The following USP6NL variants were observed in gnomAD, a reference collection of about 807,000 sequenced individuals.
USP6NL encodes USP6 N-terminal-like protein.
In USP6NL, 26 loss-of-function variants were observed where a neutral mutation model predicts 61.9. That is an observed-to-expected ratio of 0.42 (90% CI 0.31 to 0.58). The LOEUF is 0.58. Among genes scored for constraint, USP6NL ranks in the 20% least tolerant of loss-of-function variants. The pLI, the probability that USP6NL is intolerant of heterozygous loss-of-function variation, is 0.16. For synonymous variants in USP6NL, 432 were observed against 390.1 expected (o/e 1.11, Z -1.27); for missense variants, 1,114 against 1,034.3 (o/e 1.08, Z -1.06).
chr10:11,580,996 T>C (rs1196657056), intron 2 of USP6NL, among the ~76,000 whole-genome samples: 1 of 152,144 alleles, frequency 6.6e-6, no homozygotes, highest in East Asian at 1.9e-4. Flanking sequence ...TAAAGCAAAA[T>C]TATACTATTA....
intron 2 of USP6NL, among the ~76,000 whole-genome samples, chr10:11,529,116 G>T (rs1835539906): frequency 6.6e-6 from 1 of 151,844 alleles, no homozygotes; most frequent in Non-Finnish European, 1.5e-5. Flanking sequence ...ACAGATTGCT[G>T]AATCTTTAAG....
At chr10:11,530,007 C>T (rs969679039) in intron 2 of USP6NL, among the ~76,000 whole-genome samples, 2 of 146,444 alleles carry the variant, frequency 1.4e-5, no homozygotes, top group Non-Finnish European at 3.0e-5. Context: ...GAGGCTGAAG[C>T]AGGAGAATCG....
chr10:11,467,416 T>C (rs1160450406), intron 14 of USP6NL, among the ~76,000 whole-genome samples: 1 of 152,182 alleles, frequency 6.6e-6, no homozygotes, highest in East Asian at 1.9e-4. Flanking sequence ...AAATGTTTGA[T>C]CTAGGAATTC....
In USP6NL at chr10:11,602,606, T is replaced by C. The variant is rs995713513; in HGVS notation, c.-83-4889A>G. 6.6e-5 allele frequency among the ~76,000 whole-genome samples: 10 copies of C among 152,280 alleles called. No homozygotes were observed. The South Asian group carries it at 8.3e-4, about 13-fold the overall frequency. ...GATTCACGGTTCATTAGTTCAAATATATGTCAGGGCAGACTCCCAGGTGCT... is the reference window on the plus strand; with the variant it reads ...GATTCACGGTTCATTAGTTCAAATACATGTCAGGGCAGACTCCCAGGTGCT... On this transcript the variant is annotated intron_variant, in intron 1 of 14. Coordinates refer to ENST00000609104, the MANE Select transcript of USP6NL (RefSeq NM_014688.5). This position sits in a 1 kb window ranked among gnomAD's most constrained non-coding sequence, Gnocchi z 4.8.
rs915244552 is a variant in USP6NL at position 11,611,083 on chromosome 10, CGGGAGACGCGACCGAAACTTGCGA to C, written c.-84+336_-84+359del. On this transcript the variant is annotated intron_variant, in intron 1 of 14. Coordinates refer to ENST00000609104, the MANE Select transcript of USP6NL (RefSeq NM_014688.5). This position sits in a 1 kb window ranked among gnomAD's most constrained non-coding sequence, Gnocchi z 5.3. ...TGCCCGGGTCCTGCCCACTGGGGCT[CGGGAGACGCGACCGAAACTTGCGA>C]GGGAGACGCGCCTGGCCGGGATCGC... 8.5e-5 allele frequency among the ~76,000 whole-genome samples: 13 copies of C among 152,234 alleles called. No homozygotes were observed. Among genetic ancestry groups the C allele is most frequent in the Admixed American group, 5.2e-4 (8 of 15,302 alleles).
chr10:11,500,810 C>G (rs1438329640), intron 7 of USP6NL, among the ~76,000 whole-genome samples: 1 of 152,178 alleles, frequency 6.6e-6, no homozygotes, highest in Non-Finnish European at 1.5e-5. Flanking sequence ...ATTTTCCATG[C>G]AACCACGTCC....
rs200859329 is a variant in USP6NL at position 11,590,257 on chromosome 10, T to TAA, written c.4+7373_4+7374insTT. 2.9e-3 allele frequency among the ~76,000 whole-genome samples: 447 copies of TAA among 152,276 alleles called. 10 individuals are homozygous for TAA. The highest frequency in any genetic ancestry group is 0.024 in the Admixed American group (369 of 15,286). Reference sequence around the variant, plus strand: ...CCAAAAAAAAGTCACACCAAAATACTATTTTAGATCAATTCTGAGGAAGAA... The same window carrying TAA: ...CCAAAAAAAAGTCACACCAAAATACTAAATTTTAGATCAATTCTGAGGAAGAA... On this transcript the variant is annotated intron_variant, in intron 2 of 14. Coordinates refer to ENST00000609104, the MANE Select transcript of USP6NL (RefSeq NM_014688.5).
rs1833908482 is a variant in USP6NL at position 11,496,010 on chromosome 10, CAATCTCCTGTCAGG to C, written c.385-2796_385-2783del. 6.6e-6 allele frequency among the ~76,000 whole-genome samples: 1 copy of C among 152,202 alleles called. No individual in the cohort carries two copies. ...TCACATCCCCCACAGAACGCTCTTC[CAATCTCCTGTCAGG>C]AAGACAAGCACCTGGCTGCTAGTGA... On this transcript the variant is annotated intron_variant, in intron 7 of 14. Transcript: ENST00000609104. This position sits in a 1 kb window ranked among gnomAD's most constrained non-coding sequence, Gnocchi z 5.4.
At position 11,592,144 on chromosome 10, in the gene USP6NL, T is replaced by G. The variant is rs1015669462; in HGVS notation, c.4+5487A>C. Among the ~76,000 whole-genome samples, 1 of 152,212 alleles carries G rather than the reference T, an allele frequency of 6.6e-6. No individual in the cohort carries two copies. Among genetic ancestry groups the G allele is most frequent in the African/African-American group, 2.4e-5 (1 of 41,452 alleles). ...ACCTCAGCCTCCCAAAGTATTGGCATTACAGCCGTGAGCCACCACACTCGG... is the reference window on the plus strand; with the variant it reads ...ACCTCAGCCTCCCAAAGTATTGGCAGTACAGCCGTGAGCCACCACACTCGG... On this transcript the variant is annotated intron_variant, in intron 2 of 14. Transcript: ENST00000609104. This position sits in a 1 kb window ranked among gnomAD's most constrained non-coding sequence, Gnocchi z 4.7.
intron 8 of USP6NL, 42 bp downstream of exon 8, chr10:11,493,074 ATTT>A: frequency 2.0e-6 from 3 of 1,495,698 alleles, no homozygotes; most frequent in Non-Finnish European, 2.7e-6. Flanking sequence ...AATAAAGACT[ATTT>A]ATAAATGCGA....
intron 2 of USP6NL, among the ~76,000 whole-genome samples, chr10:11,555,971 G>A (rs1836693292): frequency 6.6e-6 from 1 of 152,058 alleles, no homozygotes; most frequent in Non-Finnish European, 1.5e-5. Context: ...GATATTTAAT[G>A]GTGAGCCCAC....
In USP6NL at chr10:11,470,592, A is replaced by T. The variant is rs1211146171; in HGVS notation, c.1079-6743T>A. 6.6e-6 allele frequency among the ~76,000 whole-genome samples: 1 copy of T among 152,164 alleles called. No individual in the cohort carries two copies. The highest frequency in any genetic ancestry group is 1.5e-5 in the Non-Finnish European group (1 of 68,024). ...ATAAAGCATTCAACATTTTGGTGTG[A>T]TCTATTTTCAGAGCTATCTCAGCCT... On this transcript the variant is annotated intron_variant, in intron 14 of 14. Coordinates refer to ENST00000609104, the MANE Select transcript of USP6NL (RefSeq NM_014688.5). The surrounding 1 kb of genome is among the most constrained non-coding windows in gnomAD (Gnocchi z 5.4).
chr10:11,547,587 T>C (rs890290500), intron 2 of USP6NL, among the ~76,000 whole-genome samples: 4 of 150,172 alleles, frequency 2.7e-5, no homozygotes, highest in Non-Finnish European at 1.5e-5. Flanking sequence ...TCGCCCACGC[T>C]GAAGTGCAGT....
chr10:11,596,304 T>C lies in USP6NL; in HGVS notation c.4+1327A>G, dbSNP rs1338155514. ...ATTAGATAAACTTTCTCACAAAATG[T>C]CATGATTGGAGCTGAAATAACAAAA... On this transcript the variant is annotated intron_variant, in intron 2 of 14. Coordinates refer to ENST00000609104, the MANE Select transcript of USP6NL (RefSeq NM_014688.5). This position sits in a 1 kb window ranked among gnomAD's most constrained non-coding sequence, Gnocchi z 4.1. Among the ~76,000 whole-genome samples, 1 of 152,184 alleles carries C rather than the reference T, an allele frequency of 6.6e-6. No homozygotes were observed. Among genetic ancestry groups the C allele is most frequent in the Admixed American group, 6.5e-5 (1 of 15,276 alleles).
At chr10:11,503,268 A>G (rs762636708) in intron 6 of USP6NL, among the ~76,000 whole-genome samples, 19 of 152,222 alleles carry the variant, frequency 1.2e-4, no homozygotes, top group Non-Finnish European at 1.8e-4. Flanking sequence ...GACATTTTTA[A>G]TGAGTAACAT....
intron 7 of USP6NL, among the ~76,000 whole-genome samples, chr10:11,494,908 G>A (rs1178340305): frequency 6.6e-6 from 1 of 152,152 alleles, no homozygotes; most frequent in African/African-American, 2.4e-5. Flanking sequence ...AGACGGTTAG[G>A]CCTCCGGATA....
intron 2 of USP6NL, among the ~76,000 whole-genome samples, chr10:11,555,431 AAAAT>A (rs1188226644): frequency 7.7e-5 from 6 of 77,936 alleles, no homozygotes; most frequent in African/African-American, 2.9e-4. Flanking sequence ...AAAAAAAAAA[AAAAT>A]ATATATATAT....
At chr10:11,467,383 C>G (rs550385789) in intron 14 of USP6NL, among the ~76,000 whole-genome samples, 33 of 152,284 alleles carry the variant, frequency 2.2e-4, no homozygotes, top group Middle Eastern at 3.4e-3. Flanking sequence ...GAAACAAATT[C>G]TCCAATTTGA....
rs752414516 is a variant in USP6NL, at chr10:11,532,783, C to T, written c.5-5216G>A. The stretch of plus-strand genomic sequence containing the variant: ...ATAATTCTTAATGTGAAAATTGTAG[C>T]CTCTGTTTCAGCCCGTTTCAGACAG... On this transcript the variant is annotated intron_variant, in intron 2 of 14. Transcript: ENST00000609104. This position sits in a 1 kb window ranked among gnomAD's most constrained non-coding sequence, Gnocchi z 4.1. Among the ~76,000 whole-genome samples, 2 of 152,140 alleles carry T rather than the reference C, an allele frequency of 1.3e-5. No homozygotes were observed. The highest frequency in any genetic ancestry group is 4.1e-4 in the South Asian group (2 of 4,836).
Sources: gnomAD v4.1 joint callset for allele counts (sites outside exome capture counted in the v4.1 genomes callset) on GRCh38, gnomAD v4.1.1 for gene constraint, Gnocchi (gnomAD v3.1) non-coding constraint, MANE v1.5 for transcripts, NCBI Gene and HGNC (gene_info 2026-07-23, HGNC 2026-07-21) for gene names.